AFF1: variants seen among roughly 807,000 people sequenced by gnomAD.
The protein encoded by AFF1 is AF4/FMR2 family member 1.
In AFF1, 48 loss-of-function variants were observed where a neutral mutation model predicts 121.7. The ratio of observed to expected loss-of-function variants is 0.39; its 90% confidence interval spans 0.31 to 0.50. The LOEUF is 0.50. AFF1 is among the 20% of genes least tolerant of loss of function. AFF1 has a pLI of 0.76. For synonymous variants in AFF1, 613 were observed against 563.0 expected (o/e 1.09, Z -1.26); for missense variants, 1,523 against 1,511.7 (o/e 1.01, Z -0.12).
chr4:87,016,480 G>T (rs1727310497), intron 2 of AFF1, among the ~76,000 whole-genome samples: 1 of 151,472 alleles, frequency 6.6e-6, no homozygotes, highest in Non-Finnish European at 1.5e-5. Context: ...AAACCTGGGA[G>T]GGCGGAGCTT....
chr4:87,034,613 G>A (rs973187117), intron 2 of AFF1, among the ~76,000 whole-genome samples: 15 of 152,166 alleles, frequency 9.9e-5, no homozygotes, highest in Non-Finnish European at 2.1e-4. Flanking sequence ...TTACTGTAGA[G>A]CACTTGGGGT....
chr4:86,968,874 A>T (rs546033818), intron 2 of AFF1, among the ~76,000 whole-genome samples: 1 of 152,320 alleles, frequency 6.6e-6, no homozygotes, highest in South Asian at 2.1e-4. Flanking sequence ...GGGTTGGGAT[A>T]ATTCATCTTT....
intron 1 of AFF1, among the ~76,000 whole-genome samples, chr4:86,942,550 G>C (rs1453984164): frequency 6.6e-6 from 1 of 152,206 alleles, no homozygotes; most frequent in African/African-American, 2.4e-5. Flanking sequence ...ATTGCTAAGA[G>C]ACTACATTTG....
chr4:87,076,897 A>G (rs557404852), intron 4 of AFF1, among the ~76,000 whole-genome samples: 1 of 152,246 alleles, frequency 6.6e-6, no homozygotes, highest in Non-Finnish European at 1.5e-5. Flanking sequence ...TATTTATGTA[A>G]TTTACTCTGT....
chr4:87,009,681 G>A (rs1488740508), intron 2 of AFF1, among the ~76,000 whole-genome samples: 2 of 152,172 alleles, frequency 1.3e-5, no homozygotes, highest in Non-Finnish European at 2.9e-5. Context: ...TGCTCTGTGG[G>A]AGAGAAGGTA....
chr4:87,105,503 A>T (rs1725820730), intron 8 of AFF1, 125 bp from the exon 9 acceptor site: 1 of 1,006,648 alleles, frequency 9.9e-7, no homozygotes, highest in Non-Finnish European at 1.5e-6. Flanking sequence ...AGCCTTTAAT[A>T]AATAAAGAAA....
intron 2 of AFF1, among the ~76,000 whole-genome samples, chr4:86,993,445 T>A (rs1724884770): frequency 6.6e-6 from 1 of 152,112 alleles, no homozygotes; most frequent in South Asian, 2.1e-4. Flanking sequence ...CCTTTCCTGA[T>A]ATGTGTTCAG....
chr4:87,100,318 A>G (rs1725297693), intron 8 of AFF1, among the ~76,000 whole-genome samples: 1 of 152,060 alleles, frequency 6.6e-6, no homozygotes, highest in African/African-American at 2.4e-5. Flanking sequence ...GGCCTCCAAG[A>G]ACCTCCATAA....
At chr4:87,118,464 A>G (rs1727343122) in intron 12 of AFF1, among the ~76,000 whole-genome samples, 1 of 152,224 alleles carries the variant, frequency 6.6e-6, no homozygotes, top group Non-Finnish European at 1.5e-5. Flanking sequence ...TCTAATACCA[A>G]CTTATGTTTT....
chr4:86,976,723 A>G (rs560374321), intron 2 of AFF1, among the ~76,000 whole-genome samples: 60 of 152,338 alleles, frequency 3.9e-4, no homozygotes, highest in Middle Eastern at 3.4e-3. Context: ...ATTTACCTGT[A>G]TAACAAACTT....
chr4:87,034,436 A>G (rs900917004), intron 2 of AFF1, among the ~76,000 whole-genome samples: 1 of 152,070 alleles, frequency 6.6e-6, no homozygotes, highest in Non-Finnish European at 1.5e-5. Flanking sequence ...TGGATCCTGT[A>G]TTTTCTTGTG....
At chr4:86,947,721 A>T (rs1720966097) in intron 1 of AFF1, among the ~76,000 whole-genome samples, 1 of 152,334 alleles carries the variant, frequency 6.6e-6, no homozygotes, top group East Asian at 1.9e-4. Flanking sequence ...CCAAGATAGT[A>T]CCAAGACTAT....
intron 2 of AFF1, among the ~76,000 whole-genome samples, chr4:86,982,477 C>T (rs1723836931): frequency 7.0e-6 from 1 of 143,108 alleles, no homozygotes. Flanking sequence ...AATTCTAACC[C>T]CCAGAGTGAC....
At position 87,063,228 on chromosome 4, in the gene AFF1, CTTTTTTT is replaced by C. The variant is rs569577993; in HGVS notation, c.1059+15656_1059+15662del. Among the ~76,000 whole-genome samples the C allele has an allele frequency of 9.1e-3, 405 of 44,410 alleles. 3 individuals are homozygous for C. Among genetic ancestry groups the C allele is most frequent in the African/African-American group, 0.026 (334 of 12,662 alleles). 29.1% of individuals were successfully genotyped at this position (44,410 alleles called of 152,430 possible). On this transcript the variant is annotated intron_variant, in intron 4 of 20. Coordinates refer to ENST00000395146, the MANE Select transcript of AFF1 (RefSeq NM_001166693.3). ...ATGTATAAGCATAGTAGATTCACCT[CTTTTTTT>C]TTTTTTTTTTTTTTTTTTTTTGAGA...
chr4:86,948,090 CT>C (rs1310437088), intron 1 of AFF1, among the ~76,000 whole-genome samples: 1 of 151,716 alleles, frequency 6.6e-6, no homozygotes, highest in African/African-American at 2.4e-5. Context: ...TCTCCATTTT[CT>C]TAACTATAAA....
At chr4:87,021,360 G>C (rs1727881494) in intron 2 of AFF1, among the ~76,000 whole-genome samples, 1 of 152,190 alleles carries the variant, frequency 6.6e-6, no homozygotes, top group Admixed American at 6.5e-5. Flanking sequence ...TTATCTTGGA[G>C]ACATTAGGGA....
intron 2 of AFF1, among the ~76,000 whole-genome samples, chr4:87,022,557 T>G (rs1728032959): frequency 1.8e-5 from 1 of 54,842 alleles, no homozygotes; most frequent in Non-Finnish European, 3.7e-5. Flanking sequence ...TATATATATA[T>G]ATATATATAT....
chr4:87,097,697 T>G (rs555681491), intron 8 of AFF1, among the ~76,000 whole-genome samples: 9 of 152,094 alleles, frequency 5.9e-5, no homozygotes, highest in South Asian at 2.1e-4. Flanking sequence ...GAGTAGATAA[T>G]GAGGGTTGTG....
intron 8 of AFF1, among the ~76,000 whole-genome samples, chr4:87,102,020 G>A (rs976897403): frequency 5.3e-5 from 8 of 152,232 alleles, no homozygotes; most frequent in Non-Finnish European, 1.2e-4. Flanking sequence ...ACTGCAGCGT[G>A]TCTGCCAGAA....
Sources: allele counts gnomAD v4.1 joint callset (sites outside exome capture counted in the v4.1 genomes callset), GRCh38; gene constraint gnomAD v4.1.1; transcripts MANE v1.5; gene names NCBI Gene and HGNC (gene_info 2026-07-23, HGNC 2026-07-21).